TMEM108: variants seen among roughly 807,000 people sequenced by gnomAD.
TMEM108 encodes the protein cancer/testis antigen 124.
A neutral mutation model predicts 35.1 loss-of-function variants in TMEM108; 12 were observed. The observed-to-expected ratio is 0.34, with a 90% confidence interval of 0.22 to 0.55. The LOEUF is 0.55. TMEM108 is among the 20% of genes least tolerant of loss of function. The pLI is 0.89. For synonymous variants in TMEM108, 287 were observed against 308.6 expected, an observed-to-expected ratio of 0.93 and a Z score of 0.73; for missense variants, 680 against 753.3, an observed-to-expected ratio of 0.90 and a Z score of 1.14.
chr3:133,118,816 G>T (rs752346506), intron 2 of TMEM108, among the ~76,000 whole-genome samples: 15 of 152,140 alleles, frequency 9.9e-5, no homozygotes, highest in Admixed American at 1.3e-4. Flanking sequence ...ACCGTAGGGG[G>T]TGTGTAAAAA....
intron 2 of TMEM108, among the ~76,000 whole-genome samples, chr3:133,128,914 C>G (rs191161689): frequency 6.6e-6 from 1 of 152,212 alleles, no homozygotes; most frequent in East Asian, 1.9e-4. Flanking sequence ...GTCATTTTGT[C>G]TGCTCATATA....
chr3:133,237,220 A>G (rs79297612), intron 3 of TMEM108, among the ~76,000 whole-genome samples: 226 of 152,024 alleles, frequency 1.5e-3, no homozygotes, highest in Admixed American at 5.1e-3. Flanking sequence ...ACACCTTTGT[A>G]TTATCACCAT....
chr3:133,378,045 A>G (rs1047098283), intron 3 of TMEM108, among the ~76,000 whole-genome samples: 1 of 152,166 alleles, frequency 6.6e-6, no homozygotes, highest in African/African-American at 2.4e-5. Context: ...CACAAAACCA[A>G]GTGGAAGACA....
chr3:133,112,364 C>T (rs2107725964), intron 2 of TMEM108, among the ~76,000 whole-genome samples: 1 of 152,234 alleles, frequency 6.6e-6, no homozygotes, highest in East Asian at 1.9e-4. Context: ...TTTCCCTTCA[C>T]TCATGTTTTG....
intron 3 of TMEM108, among the ~76,000 whole-genome samples, chr3:133,256,641 A>G (rs1284672634): frequency 1.3e-5 from 2 of 152,216 alleles, no homozygotes; most frequent in African/African-American, 4.8e-5. Flanking sequence ...CAAAATTTCA[A>G]GGAAACTACT....
intron 3 of TMEM108, among the ~76,000 whole-genome samples, chr3:133,271,081 A>G (rs1359215165): frequency 2.0e-5 from 3 of 152,136 alleles, no homozygotes; most frequent in East Asian, 1.9e-4. Flanking sequence ...CCTGCTTTCA[A>G]TCCACAAACT....
intron 3 of TMEM108, among the ~76,000 whole-genome samples, chr3:133,296,698 G>A (rs986864305): frequency 6.6e-6 from 1 of 152,170 alleles, no homozygotes; most frequent in African/African-American, 2.4e-5. Context: ...GGTAGAGTAG[G>A]ACAGGGGGGA....
chr3:133,221,458 C>A (rs548352702), intron 2 of TMEM108, among the ~76,000 whole-genome samples: 1 of 152,280 alleles, frequency 6.6e-6, no homozygotes, highest in African/African-American at 2.4e-5. Context: ...TCCTATCACT[C>A]AGTAAATTAT....
chr3:133,247,825 C>G (rs1449254789), intron 3 of TMEM108: 2 of 152,004 alleles, frequency 1.3e-5, no homozygotes, highest in African/African-American at 4.8e-5. Context: ...AGTTCCCAGG[C>G]CAGTGGAGAA....
intron 3 of TMEM108, among the ~76,000 whole-genome samples, chr3:133,289,086 G>T (rs1288363263): frequency 1.3e-5 from 2 of 152,080 alleles, no homozygotes; most frequent in Non-Finnish European, 2.9e-5. Flanking sequence ...AATATTTCCA[G>T]ATGAGATCTG....
chr3:133,236,235 C>G (rs190061974), intron 3 of TMEM108, among the ~76,000 whole-genome samples: 13 of 152,078 alleles, frequency 8.5e-5, no homozygotes, highest in South Asian at 6.2e-4. Context: ...ATTCATGCAC[C>G]CTTTGCATCT....
At chr3:133,132,147 A>G (rs1042693334) in intron 2 of TMEM108, among the ~76,000 whole-genome samples, 1 of 152,230 alleles carries the variant, frequency 6.6e-6, no homozygotes, top group African/African-American at 2.4e-5. Context: ...GTGCTCATGG[A>G]GAAGCTGCAG....
intron 3 of TMEM108, among the ~76,000 whole-genome samples, chr3:133,298,316 C>A (rs895502116): frequency 6.6e-6 from 1 of 152,176 alleles, no homozygotes; most frequent in African/African-American, 2.4e-5. Flanking sequence ...TTTCTTCCAG[C>A]GCCTTCCTCT....
At chr3:133,227,263 G>A (rs1348263446) in intron 2 of TMEM108, among the ~76,000 whole-genome samples, 75 of 137,668 alleles carry the variant, frequency 5.4e-4, no homozygotes, top group South Asian at 6.8e-4. Context: ...CGCAATCTCG[G>A]CTCACTGCAG....
intron 2 of TMEM108, among the ~76,000 whole-genome samples, chr3:133,145,479 GT>G (rs1368137052): frequency 3.3e-5 from 5 of 151,852 alleles, no homozygotes; most frequent in African/African-American, 1.2e-4. Context: ...ATTTAAAGTA[GT>G]TTTTTTTCTA....
intron 2 of TMEM108, among the ~76,000 whole-genome samples, chr3:133,121,758 C>T (rs542349916): frequency 7.9e-5 from 12 of 152,182 alleles, no homozygotes; most frequent in African/African-American, 2.9e-4. Context: ...CAAGAGCATT[C>T]TGGGGTTTTA....
chr3:133,390,123 A>G, intron 4 of TMEM108, 57 bp from the exon 5 acceptor site: 1 of 1,603,648 alleles, frequency 6.2e-7, no homozygotes, highest in South Asian at 1.1e-5. Context: ...CGGTGGTGCA[A>G]CCCAGGCACC....
chr3:133,118,793 G>T (rs372818522), intron 2 of TMEM108, among the ~76,000 whole-genome samples: 16 of 152,058 alleles, frequency 1.1e-4, no homozygotes, highest in Admixed American at 1.0e-3. Flanking sequence ...CAGATGCCAG[G>T]GTGTTTCAGT....
At chr3:133,154,321 T>C (rs537055250) in intron 2 of TMEM108, among the ~76,000 whole-genome samples, 100 of 152,210 alleles carry the variant, frequency 6.6e-4, no homozygotes, top group Admixed American at 1.8e-3. Context: ...ATTTTGGCTT[T>C]TGTTGCCATT....
Sources: allele counts gnomAD v4.1 joint callset (sites outside exome capture counted in the v4.1 genomes callset), GRCh38; gene constraint gnomAD v4.1.1; transcripts MANE v1.5; gene names NCBI Gene and HGNC (gene_info 2026-07-23, HGNC 2026-07-21).